Variants in CTBP2 observed in about 807,000 individuals in gnomAD.
CTBP2 encodes the protein C-terminal binding protein 2.
A neutral mutation model predicts 80.3 loss-of-function variants in CTBP2; 30 were observed. The ratio of observed to expected loss-of-function variants is 0.37; its 90% CI spans 0.28 to 0.51. The LOEUF is 0.51. CTBP2 is among the 20% of genes least tolerant of loss of function. The pLI, the probability that CTBP2 is intolerant of heterozygous loss-of-function variation, is 0.93. For synonymous variants in CTBP2, 594 were observed against 587.4 expected (o/e 1.01, Z -0.16); for missense variants, 1,212 against 1,375.3 (o/e 0.88, Z 1.88).
intron 2 of CTBP2, among the ~76,000 whole-genome samples, chr10:125,065,488 G>A (rs1282946732): frequency 6.6e-6 from 1 of 152,188 alleles, no homozygotes; most frequent in East Asian, 1.9e-4. Context: ...AAGGCGAGGT[G>A]GCGAAGGGAA....
At chr10:125,144,289 T>C (rs1858354250) in intron 1 of CTBP2, among the ~76,000 whole-genome samples, 1 of 152,134 alleles carries the variant, frequency 6.6e-6, no homozygotes, top group Admixed American at 6.6e-5. Context: ...ACACAACCAT[T>C]CTCTGGACGG....
chr10:125,154,457 C>A (rs1239928775), intron 1 of CTBP2, among the ~76,000 whole-genome samples: 1 of 152,222 alleles, frequency 6.6e-6, no homozygotes, highest in Non-Finnish European at 1.5e-5. Flanking sequence ...GAAACAAAAT[C>A]ATCACTTGTC....
intron 2 of CTBP2, among the ~76,000 whole-genome samples, chr10:125,039,600 G>A (rs1027966048): frequency 1.3e-5 from 2 of 152,256 alleles, no homozygotes; most frequent in Non-Finnish European, 2.9e-5. Context: ...CTGCTGCCAG[G>A]TGAGTTACAA....
intron 2 of CTBP2, among the ~76,000 whole-genome samples, chr10:125,056,772 A>G (rs1221335427): frequency 6.6e-6 from 1 of 152,170 alleles, no homozygotes; most frequent in African/African-American, 2.4e-5. Flanking sequence ...CTCCAACTCC[A>G]TCGCTCCCAA....
At position 125,006,131 on chromosome 10, in the gene CTBP2, C is replaced by T. The variant is rs1298352573; in HGVS notation, c.1679-2639G>A. The T allele has an allele frequency of 6.5e-6, 4 of 614,214 alleles. No individual in the cohort carries two copies. The Admixed American group carries it at 1.4e-4, about 21-fold the overall frequency. 38.0% of individuals were successfully genotyped at this position (614,214 alleles called of 1,614,324 possible). ...GGTTGCCTTTCTCCTTGGTGAAACCCACCCTCTACCCTCCCTGATGGCCGG... is the reference window on the plus strand; with the variant it reads ...GGTTGCCTTTCTCCTTGGTGAAACCTACCCTCTACCCTCCCTGATGGCCGG... On this transcript the variant is annotated intron_variant, in intron 1 of 8. Transcript: ENST00000309035.
At chr10:125,108,613 A>C (rs968092447) in intron 2 of CTBP2, among the ~76,000 whole-genome samples, 1 of 147,808 alleles carries the variant, frequency 6.8e-6, no homozygotes, top group Non-Finnish European at 1.5e-5. Flanking sequence ...CAGAGCAGAA[A>C]GGGTCTGAGA....
At chr10:125,112,681 C>G (rs1467878091) in intron 1 of CTBP2, among the ~76,000 whole-genome samples, 1 of 152,212 alleles carries the variant, frequency 6.6e-6, no homozygotes, top group East Asian at 1.9e-4. Flanking sequence ...TCTGCCTTGG[C>G]CTCCCAAAGT....
intron 2 of CTBP2, 74 bp from the exon 5 acceptor site, chr10:125,003,178 G>A (rs1954767584): frequency 1.2e-6 from 2 of 1,602,886 alleles, no homozygotes; most frequent in Admixed American, 3.4e-5. Flanking sequence ...CTGGCCCCCT[G>A]GCCCTATCAC....
intron 1 of CTBP2, among the ~76,000 whole-genome samples, chr10:125,120,481 G>C (rs1225259883): frequency 6.6e-6 from 1 of 152,172 alleles, no homozygotes; most frequent in Non-Finnish European, 1.5e-5. Context: ...GCACCTCCCA[G>C]GTTCAAGTGA....
At chr10:125,073,484 G>A (rs759569773) in intron 2 of CTBP2, among the ~76,000 whole-genome samples, 12 of 152,166 alleles carry the variant, frequency 7.9e-5, no homozygotes, top group Admixed American at 2.0e-4. Context: ...CAAGTGATCC[G>A]CCCGCCTTGG....
chr10:125,155,797 T>C (rs911540201), intron 1 of CTBP2, among the ~76,000 whole-genome samples: 2 of 152,222 alleles, frequency 1.3e-5, no homozygotes, highest in Non-Finnish European at 2.9e-5. Context: ...GCATTTTCCC[T>C]TCTTTCCAGG....
chr10:124,994,343 G>A, intron 5 of CTBP2, 126 bp downstream of exon 7: 2 of 930,244 alleles, frequency 2.1e-6, no homozygotes, highest in Non-Finnish European at 1.7e-6. Context: ...TTTGTTGCAG[G>A]GCCTCTTCCC....
At chr10:125,018,346 G>T (rs1030825709) in intron 1 of CTBP2, among the ~76,000 whole-genome samples, 13 of 152,132 alleles carry the variant, frequency 8.5e-5, no homozygotes, top group Admixed American at 6.5e-5. Context: ...CCAACATGGA[G>T]AAATCCCATC....
rs1236682564 is a variant in CTBP2, at chr10:125,066,630, G to A, written c.-101-27475C>T. 6.6e-6 allele frequency among the ~76,000 whole-genome samples: 1 copy of A among 152,146 alleles called. No homozygotes were observed. Among genetic ancestry groups the A allele is most frequent in the Non-Finnish European group, 1.5e-5 (1 of 68,030 alleles). On this transcript the variant is annotated intron_variant, in intron 2 of 10. Coordinates refer to the CTBP2 transcript ENST00000337195. The surrounding 1 kb of genome is among the most constrained non-coding windows in gnomAD (Gnocchi z 4.1). ...GGTGGAGGAGGGTGACACCTGCACA[G>A]AAGCCAGGGAGCACAGTGCACCAAC...
At chr10:125,083,493 C>T (rs374687490) in intron 2 of CTBP2, among the ~76,000 whole-genome samples, 2 of 152,296 alleles carry the variant, frequency 1.3e-5, no homozygotes, top group Middle Eastern at 3.4e-3. Context: ...GAGACTCAGT[C>T]GCCTGTCTAC....
intron 1 of CTBP2, among the ~76,000 whole-genome samples, chr10:125,004,597 G>A (rs1040156909): frequency 6.6e-6 from 1 of 152,214 alleles, no homozygotes; most frequent in Non-Finnish European, 1.5e-5. Context: ...GAGATGCCAG[G>A]AAGGGGCAAT....
At chr10:125,021,699 C>T (rs997551859) in intron 1 of CTBP2, among the ~76,000 whole-genome samples, 1 of 152,182 alleles carries the variant, frequency 6.6e-6, no homozygotes, top group Non-Finnish European at 1.5e-5. Flanking sequence ...ACAACCAGGG[C>T]CTCAGAGGCA....
upstream of CTBP2, among the ~76,000 whole-genome samples, chr10:125,029,433 C>T (rs1957966686): frequency 6.6e-6 from 1 of 151,890 alleles, no homozygotes; most frequent in African/African-American, 2.4e-5. Context: ...GTAGAGCCTA[C>T]CATGTCTCTA....
In CTBP2 at chr10:124,989,476, G is replaced by A; in HGVS notation, c.*42C>T. ...GTTCATCTATTTTTCACTGTCTCTT[G>A]GTCCCAAGTGTATCTGAGTGATTAC... is the stretch of plus-strand genomic sequence containing the variant. On this transcript the variant is annotated 3_prime_UTR_variant, in exon 9 of 9. Transcript: ENST00000309035. 1.3e-6 allele frequency: 2 copies of A among 1,555,188 alleles called. No individual in the cohort carries two copies. The highest frequency in any genetic ancestry group is 1.8e-6 in the Non-Finnish European group (2 of 1,128,354).
Sources: gnomAD v4.1 joint callset for allele counts (sites outside exome capture counted in the v4.1 genomes callset) on GRCh38, gnomAD v4.1.1 for gene constraint, Gnocchi (gnomAD v3.1) non-coding constraint, MANE v1.5 for transcripts, NCBI Gene and HGNC (gene_info 2026-07-23, HGNC 2026-07-21) for gene names.